BTBD9: variants seen among roughly 807,000 people sequenced by gnomAD.
BTBD9 encodes the protein BTB/POZ domain-containing protein 9.
Under a neutral mutation model 64.3 loss-of-function variants are expected in BTBD9, and 49 were observed. That is an observed-to-expected ratio of 0.76 (90% CI 0.61 to 0.97). The LOEUF (loss-of-function observed/expected upper bound fraction) is 0.97. BTBD9 is among the 50% of genes least tolerant of loss of function. The pLI is 0.00. For synonymous variants in BTBD9, 260 were observed against 274.7 expected, an observed-to-expected ratio of 0.95 and a Z score of 0.53; for missense variants, 598 against 762.1, an observed-to-expected ratio of 0.78 and a Z score of 2.53.
At chr6:38,305,547 G>A (rs1762595986) in intron 7 of BTBD9, among the ~76,000 whole-genome samples, 1 of 152,134 alleles carries the variant, frequency 6.6e-6, no homozygotes. Context: ...CAGTGGCACG[G>A]TCTCAACTCA....
chr6:38,469,724 T>C (rs917550694), intron 6 of BTBD9, among the ~76,000 whole-genome samples: 1 of 152,208 alleles, frequency 6.6e-6, no homozygotes, highest in African/African-American at 2.4e-5. Flanking sequence ...GATTTTGTCG[T>C]CTGAGTAGTT....
In BTBD9 at chr6:38,330,086, G is replaced by A. The variant is rs571984470; in HGVS notation, c.1264+14898C>T. Reference sequence around the variant, plus strand: ...TTGTTTTATTTTGAGACAGAGTTTGGCTCTGTCACCCAGGCTGGAGTGCAG... The same window carrying A: ...TTGTTTTATTTTGAGACAGAGTTTGACTCTGTCACCCAGGCTGGAGTGCAG... On this transcript the variant is annotated intron_variant, in intron 7 of 10. Coordinates refer to ENST00000481247, the MANE Select transcript of BTBD9 (RefSeq NM_001099272.2). Among the ~76,000 whole-genome samples, 3 of 151,170 alleles carry A rather than the reference G, an allele frequency of 2.0e-5. No homozygotes were observed. In the East Asian group the frequency reaches 5.8e-4, roughly 29 times the overall value.
At chr6:38,487,046 G>A (rs915037732) in intron 6 of BTBD9, among the ~76,000 whole-genome samples, 2 of 152,154 alleles carry the variant, frequency 1.3e-5, no homozygotes, top group African/African-American at 4.8e-5. Context: ...GAGCATGAGA[G>A]TTAACTACTT....
intron 8 of BTBD9, among the ~76,000 whole-genome samples, chr6:38,263,017 T>C (rs1582131829): frequency 6.6e-6 from 1 of 152,246 alleles, no homozygotes; most frequent in East Asian, 1.9e-4. Context: ...CCACTGTTGC[T>C]AAATTTTCTC....
intron 7 of BTBD9, among the ~76,000 whole-genome samples, chr6:38,310,614 A>G (rs1008816071): frequency 1.3e-5 from 2 of 152,158 alleles, no homozygotes; most frequent in African/African-American, 2.4e-5. Context: ...AATGACCTAC[A>G]TTCAGTGCTT....
intron 9 of BTBD9, among the ~76,000 whole-genome samples, chr6:38,196,041 A>G (rs544128540): frequency 6.6e-6 from 1 of 152,350 alleles, no homozygotes; most frequent in Admixed American, 6.5e-5. Context: ...GCCAGTGAGA[A>G]TGCCAGCACT....
chr6:38,314,281 C>T (rs556125716), intron 7 of BTBD9, among the ~76,000 whole-genome samples: 7 of 151,752 alleles, frequency 4.6e-5, no homozygotes, highest in African/African-American at 1.4e-4. Flanking sequence ...CTGCAAGCTC[C>T]GCCTCCCGGG....
At chr6:38,379,540 G>C (rs2127613492) in intron 6 of BTBD9, among the ~76,000 whole-genome samples, 1 of 152,270 alleles carries the variant, frequency 6.6e-6, no homozygotes, top group Non-Finnish European at 1.5e-5. Flanking sequence ...AGCAACAAAG[G>C]AGAGGCTCAG....
rs1766839118 is a variant in BTBD9, at chr6:38,172,616, G to A, written c.*2369C>T. ...GGGGAGGCGAGCTGGCAGCGCGGCT[G>A]TGAGGGAATGAGACTTTGCCATCAG... On this transcript the variant is annotated 3_prime_UTR_variant, in exon 11 of 11. Coordinates refer to ENST00000481247, the MANE Select transcript of BTBD9 (RefSeq NM_001099272.2). 6.6e-6 allele frequency: 1 copy of A among 152,364 alleles called. No individual in the cohort carries two copies. The highest frequency in any genetic ancestry group is 1.5e-5 in the Non-Finnish European group (1 of 68,122). The allele number at this position is 152,364 out of a possible 1,614,324, so 9.4% of individuals were successfully genotyped here.
chr6:38,594,752 G>T (rs1409105940), intron 2 of BTBD9, among the ~76,000 whole-genome samples: 1 of 152,144 alleles, frequency 6.6e-6, no homozygotes, highest in Non-Finnish European at 1.5e-5. Context: ...AAATTAAAAG[G>T]CTTGTTAATA....
At chr6:38,613,788 A>G (rs763012923) in intron 1 of BTBD9, among the ~76,000 whole-genome samples, 13 of 152,176 alleles carry the variant, frequency 8.5e-5, no homozygotes, top group Admixed American at 2.0e-4. Context: ...AGGAACCTCA[A>G]TCTGGACTCT....
chr6:38,374,311 A>ATATATACG (rs1765584227), intron 6 of BTBD9, among the ~76,000 whole-genome samples: 3 of 115,776 alleles, frequency 2.6e-5, no homozygotes, highest in Admixed American at 9.2e-5. Flanking sequence ...ATATATGTAT[A>ATATATACG]TATATATATA....
Position 38,471,742 on chromosome 6 carries a change from C to T in BTBD9, c.1154+105858G>A, listed in dbSNP as rs572592411. Among the ~76,000 whole-genome samples the T allele has an allele frequency of 2.4e-4, 37 of 152,284 alleles. 1 individual carries two copies. The highest frequency in any genetic ancestry group is 6.2e-4 in the South Asian group (3 of 4,816). ...AACTCTTCCAAAGCCCTACACCTTT[C>T]ATCCCTGAATCGTCTCCTCCAGCTC... On this transcript the variant is annotated intron_variant, in intron 6 of 10. Coordinates refer to ENST00000481247, the MANE Select transcript of BTBD9 (RefSeq NM_001099272.2).
At chr6:38,565,736 G>T (rs1476932577) in intron 6 of BTBD9, among the ~76,000 whole-genome samples, 1 of 152,184 alleles carries the variant, frequency 6.6e-6, no homozygotes, top group Admixed American at 6.5e-5. Context: ...AATATTTGTG[G>T]ATAGCATTTA....
At chr6:38,378,065 C>T (rs76882990) in intron 6 of BTBD9, among the ~76,000 whole-genome samples, 5,498 of 152,122 alleles carry the variant, frequency 0.036, 341 homozygotes, top group African/African-American at 0.13. Context: ...TGTGAACTTC[C>T]GAACTTCCCA....
chr6:38,374,559 T>C (rs1434144811), intron 6 of BTBD9, among the ~76,000 whole-genome samples: 1 of 151,610 alleles, frequency 6.6e-6, no homozygotes. Context: ...AGTTGAGACA[T>C]CTCTTTTTTA....
chr6:38,428,331 C>G lies in BTBD9; in HGVS notation c.1155-83238G>C, dbSNP rs539923155. ...TGAATTGACCACTCCCATCTTTAGG[C>G]CCCCAAAAACCTTTGTACACAACTC... On this transcript the variant is annotated intron_variant, in intron 6 of 10. Transcript: ENST00000481247. 1.6e-3 allele frequency among the ~76,000 whole-genome samples: 210 copies of G among 134,712 alleles called. 1 individual carries two copies. Among genetic ancestry groups the G allele is most frequent in the Non-Finnish European group, 2.3e-3 (139 of 60,830 alleles). 88.4% of individuals were successfully genotyped at this position (134,712 alleles called of 152,430 possible). A position where few individuals can be genotyped will look rare whatever the true frequency, so the allele number is the denominator to read the frequency against.
intron 9 of BTBD9, among the ~76,000 whole-genome samples, chr6:38,220,767 T>C (rs563532934): frequency 6.6e-6 from 1 of 152,244 alleles, no homozygotes; most frequent in East Asian, 1.9e-4. Context: ...AGTGGTTTAA[T>C]TATGCGAAGA....
At chr6:38,502,985 A>G (rs1772282111) in intron 6 of BTBD9, among the ~76,000 whole-genome samples, 1 of 152,200 alleles carries the variant, frequency 6.6e-6, no homozygotes, top group African/African-American at 2.4e-5. Context: ...CACACTATGG[A>G]AACAGATGAG....
Sources: allele counts gnomAD v4.1 joint callset (sites outside exome capture counted in the v4.1 genomes callset), GRCh38; gene constraint gnomAD v4.1.1; transcripts MANE v1.5; gene names NCBI Gene and HGNC (gene_info 2026-07-23, HGNC 2026-07-21).